The following PTCD3 variants were observed in gnomAD, a reference collection of about 807,000 sequenced individuals.
PTCD3 encodes the protein small ribosomal subunit protein mS39.
PTCD3 carries 89 observed loss-of-function variants against 101.9 expected under a neutral mutation model. The observed-to-expected ratio is 0.87, with a 90% CI of 0.74 to 1.04. The LOEUF (loss-of-function observed/expected upper bound fraction) is 1.04. Ranked by LOEUF, PTCD3 falls within the 50% of genes least tolerant of loss-of-function variation. The probability of loss-of-function intolerance (pLI) is 0.00; values close to 1 mark genes in which losing one functional copy is unlikely to be tolerated. For missense variants in PTCD3, 870 were observed against 828.2 expected, an observed-to-expected ratio of 1.05 and a Z score of -0.62; for synonymous variants, 296 against 278.5, an observed-to-expected ratio of 1.06 and a Z score of -0.63.
At chr2:86,113,968 A>G (rs145939559) in intron 4 of PTCD3, among the ~76,000 whole-genome samples, 2 of 152,308 alleles carry the variant, frequency 1.3e-5, no homozygotes, top group Non-Finnish European at 2.9e-5. Context: ...ATCCATAAAT[A>G]GGCACCTGAA....
At position 86,124,951 on chromosome 2, in the gene PTCD3, G is replaced by A. The variant is rs756347704; in HGVS notation, c.717-44G>A. On this transcript the variant is annotated intron_variant, in intron 9 of 23. Transcript: ENST00000254630. The stretch of plus-strand genomic sequence containing the variant: ...CAGTAAATGGTGGTAGCTCTCATTG[G>A]TATTTCTTATTGCCTGGGTTCACAT... 5.6e-6 allele frequency: 9 copies of A among 1,606,344 alleles called. No individual in the cohort carries two copies. In the African/African-American group the frequency reaches 1.1e-4, roughly 19 times the overall value.
Position 86,137,594 on chromosome 2 carries a change from ATAGC to A in PTCD3, c.*37_*40del. ...TTCAGGAGCAGCAATGGGTCTCACC[ATAGC>A]TGCTGGAATCACACCTGAGAACTGA... On this transcript the variant is annotated 3_prime_UTR_variant, in exon 24 of 24. Coordinates refer to ENST00000254630, the MANE Select transcript of PTCD3 (RefSeq NM_017952.6). The A allele has an allele frequency of 3.1e-6, 5 of 1,612,446 alleles. No individual in the cohort carries two copies. The highest frequency in any genetic ancestry group is 4.2e-6 in the Non-Finnish European group (5 of 1,179,226).
At chr2:86,111,245 T>C (rs1674078884) in intron 4 of PTCD3, 87 bp downstream of exon 4, 1 of 1,128,978 alleles carries the variant, frequency 8.9e-7, no homozygotes, top group Admixed American at 1.9e-5. Context: ...TTAATACTCA[T>C]ACCTCGTCAT....
rs145956550 is a variant in PTCD3, at chr2:86,132,391, T to A, written c.1340T>A (p.Phe447Tyr). ...GLLKTGDNWK[F>Y]IGPDQHRNFY... is the part of the protein sequence containing the mutation. ...TTAAAAACCGGAGACAACTGGAAAT[T>A]CATTGGACCTGATCAACATCGTAAT... Residue 447 changes from phenylalanine (F) to tyrosine (Y), a missense_variant, in exon 17 of 24, where the codon TTC (phenylalanine) becomes TAC (tyrosine). Coordinates refer to ENST00000254630, the MANE Select transcript of PTCD3 (RefSeq NM_017952.6). The A allele has an allele frequency of 8.9e-5, 143 of 1,604,088 alleles. No homozygotes were observed. The highest frequency in any genetic ancestry group is 1.2e-4 in the Non-Finnish European group (142 of 1,171,298).
rs550730649 is a variant in PTCD3, at chr2:86,116,533, A to G, written c.244A>G (p.Thr82Ala). 1.6e-5 allele frequency: 25 copies of G among 1,606,642 alleles called. No homozygotes were observed. The South Asian group carries it at 2.8e-4, about 18-fold the overall frequency. Residue 82 changes from threonine (T) to alanine (A), a missense_variant, in exon 5 of 24, where the codon ACC becomes GCC. By Grantham distance (58) the Thr-to-Ala change is moderately conservative. Transcript: ENST00000254630. ...TTGTATTATGTCTTTTCCACAGGAT[A>G]CCACAGCTGTGCCTTATGTGTTTCA... ...QALASTVNRD[T>A]TAVPYVFQDD...
chr2:86,122,181 G>A (rs1674295828), intron 8 of PTCD3, among the ~76,000 whole-genome samples: 1 of 152,214 alleles, frequency 6.6e-6, no homozygotes, highest in Non-Finnish European at 1.5e-5. Flanking sequence ...ATGATCAAAT[G>A]ATGATAAAAG....
At chr2:86,127,782 AATG>A in intron 13 of PTCD3, 156 bp from the exon 14 acceptor site, 1 of 634,348 alleles carries the variant, frequency 1.6e-6, no homozygotes, top group East Asian at 2.8e-5. Context: ...CCTTTACATT[AATG>A]AGTTGGAAAA....
chr2:86,132,987 G>A, intron 17 of PTCD3, 191 bp from the exon 18 acceptor site: 1 of 770,122 alleles, frequency 1.3e-6, no homozygotes, highest in East Asian at 2.7e-5. Context: ...GACCAGTTGA[G>A]GGTAGGGTGT....
chr2:86,108,628 A>G, intron 3 of PTCD3, 92 bp downstream of exon 3: 1 of 1,248,818 alleles, frequency 8.0e-7, no homozygotes, highest in East Asian at 2.4e-5. Flanking sequence ...TGACAGGAAG[A>G]GCAATAGGAG....
chr2:86,107,256 C>T lies in PTCD3; in HGVS notation c.104+905C>T, dbSNP rs547759421. 81 of 470,714 alleles carry T rather than the reference C, an allele frequency of 1.7e-4. 1 individual carries two copies. Among genetic ancestry groups the T allele is most frequent in the South Asian group, 1.2e-3 (78 of 64,558 alleles). The allele number at this position is 470,714 out of a possible 1,614,324, so 29.2% of individuals were successfully genotyped here. ...TTCTTTGCCTGAAGCAGAATCTCTT[C>T]CTCAGCATCCGTTCTCAAAATAACT... On this transcript the variant is annotated intron_variant, in intron 1 of 23. Coordinates refer to ENST00000254630, the MANE Select transcript of PTCD3 (RefSeq NM_017952.6).
chr2:86,116,098 C>T (rs1674171421), intron 4 of PTCD3, among the ~76,000 whole-genome samples: 2 of 152,176 alleles, frequency 1.3e-5, no homozygotes, highest in African/African-American at 4.8e-5. Context: ...GAGTACAGTG[C>T]AGGTGTTTGT....
chr2:86,136,121 T>G (rs1469862412), intron 21 of PTCD3: 1 of 476,090 alleles, frequency 2.1e-6, no homozygotes, highest in South Asian at 1.5e-5. Context: ...GATTCCCTCC[T>G]TAGAAGGACA....
chr2:86,112,610 A>G (rs559966299), intron 4 of PTCD3, among the ~76,000 whole-genome samples: 36 of 143,610 alleles, frequency 2.5e-4, no homozygotes, highest in Admixed American at 1.2e-3. Context: ...TGAACCTGGG[A>G]GGCAGAAGTT....
chr2:86,133,141 G>T, intron 17 of PTCD3, 37 bp from the exon 18 acceptor site: 1 of 1,604,684 alleles, frequency 6.2e-7, no homozygotes, highest in South Asian at 1.1e-5. Flanking sequence ...TAGACATAGG[G>T]ACTTTAGACT....
At chr2:86,107,712 C>G (rs926403596) in intron 1 of PTCD3, among the ~76,000 whole-genome samples, 30 of 152,134 alleles carry the variant, frequency 2.0e-4, no homozygotes, top group African/African-American at 6.5e-4. Flanking sequence ...TTGGTACATT[C>G]TTGATTGTTG....
At chr2:86,128,682 C>T (rs969411627) in intron 14 of PTCD3, among the ~76,000 whole-genome samples, 1 of 152,134 alleles carries the variant, frequency 6.6e-6, no homozygotes, top group African/African-American at 2.4e-5. Context: ...AGGCTCCATG[C>T]GTTGTCCACT....
chr2:86,126,368 A>C (rs1224179153), intron 12 of PTCD3, among the ~76,000 whole-genome samples: 5 of 152,148 alleles, frequency 3.3e-5, no homozygotes, highest in African/African-American at 7.2e-5. Flanking sequence ...TGTCTGGCAC[A>C]TAAGAAGAAA....
rs1209482245 is a variant in PTCD3, at chr2:86,140,697, C to T, written c.*3138C>T. 2 of 151,930 alleles carry T rather than the reference C, an allele frequency of 1.3e-5. No individual in the cohort carries two copies. The allele number at this position is 151,930 out of a possible 1,614,324, so 9.4% of individuals were successfully genotyped here. Reference sequence around the variant, plus strand: ...TGTATTTGATTTGGGTGCTGTAAGGCAATTTGCTAGGACATGGGATAATCA... The same window carrying T: ...TGTATTTGATTTGGGTGCTGTAAGGTAATTTGCTAGGACATGGGATAATCA... On this transcript the variant is annotated 3_prime_UTR_variant, in exon 24 of 24. Coordinates refer to ENST00000254630, the MANE Select transcript of PTCD3 (RefSeq NM_017952.6).
chr2:86,106,503 G>T, intron 1 of PTCD3, 152 bp downstream of exon 1: 1 of 688,336 alleles, frequency 1.5e-6, no homozygotes, highest in Non-Finnish European at 2.5e-6. Flanking sequence ...CGCGGAGGTG[G>T]CCCTTTGAAA....
Sources: gnomAD v4.1 joint callset for allele counts (sites outside exome capture counted in the v4.1 genomes callset) on GRCh38, gnomAD v4.1.1 for gene constraint, MANE v1.5 for transcripts, NCBI Gene and HGNC (gene_info 2026-07-23, HGNC 2026-07-21) for gene names.